The following MYO18B variants were observed in gnomAD, a reference collection of about 807,000 sequenced individuals.
MYO18B encodes the protein unconventional myosin-XVIIIb.
A neutral mutation model predicts 273.0 loss-of-function variants in MYO18B; 204 were observed. The ratio of observed to expected loss-of-function variants is 0.75; its 90% CI spans 0.67 to 0.84. MYO18B has a LOEUF of 0.84. MYO18B is among the 40% of genes least tolerant of loss of function. The pLI, the probability that MYO18B is intolerant of heterozygous loss-of-function variation, is 0.00. For missense variants in MYO18B, 3,212 were observed against 3,287.6 expected (o/e 0.98, Z 0.56); for synonymous variants, 1,330 against 1,305.7 (o/e 1.02, Z -0.40).
downstream of MYO18B, among the ~76,000 whole-genome samples, chr22:26,033,740 CT>C (rs1936713984): frequency 6.7e-6 from 1 of 150,326 alleles, no homozygotes; most frequent in Non-Finnish European, 1.5e-5. Flanking sequence ...CTTTTTCTCT[CT>C]TTCTCTCTCT....
At chr22:26,003,903 T>C (rs1383690346) in intron 41 of MYO18B, among the ~76,000 whole-genome samples, 1 of 152,010 alleles carries the variant, frequency 6.6e-6, no homozygotes, top group African/African-American at 2.4e-5. Flanking sequence ...TAATGCTTTA[T>C]AGAGGGACAG....
At chr22:25,819,339 C>T (rs1405870132) in intron 12 of MYO18B, among the ~76,000 whole-genome samples, 1 of 152,200 alleles carries the variant, frequency 6.6e-6, no homozygotes, top group African/African-American at 2.4e-5. Flanking sequence ...CTTCTCCCAG[C>T]TCGTTGAGGC....
intron 39 of MYO18B, among the ~76,000 whole-genome samples, chr22:25,991,967 T>C (rs2093275055): frequency 6.6e-6 from 1 of 152,202 alleles, no homozygotes; most frequent in African/African-American, 2.4e-5. Context: ...GATTTATCCT[T>C]GAGGCTCAGC....
intron 12 of MYO18B, among the ~76,000 whole-genome samples, chr22:25,813,499 C>T (rs1253802563): frequency 6.6e-6 from 1 of 152,116 alleles, no homozygotes; most frequent in Non-Finnish European, 1.5e-5. Flanking sequence ...AGGAGACAAC[C>T]AAAGTTGAGG....
At chr22:25,834,454 C>T (rs2089826577) in intron 16 of MYO18B, among the ~76,000 whole-genome samples, 1 of 152,212 alleles carries the variant, frequency 6.6e-6, no homozygotes, top group Non-Finnish European at 1.5e-5. Flanking sequence ...CCTGGATGTG[C>T]CCCTTCCCCT....
At chr22:25,954,127 G>A (rs1271595164) in intron 38 of MYO18B, among the ~76,000 whole-genome samples, 2 of 152,164 alleles carry the variant, frequency 1.3e-5, no homozygotes, top group African/African-American at 2.4e-5. Flanking sequence ...CATCAGGATC[G>A]ATTGGTTCCC....
chr22:26,027,116 G>A lies in MYO18B; in HGVS notation c.7142G>A (p.Arg2381His), dbSNP rs200567905. The A allele has an allele frequency of 3.2e-4, 521 of 1,613,948 alleles. No individual in the cohort carries two copies. The highest frequency in any genetic ancestry group is 4.1e-4 in the Non-Finnish European group (482 of 1,179,876). Residue 2381 changes from arginine to histidine, a missense_variant, in exon 43 of 44, where the codon CGT (arginine) becomes CAT (histidine). Physicochemically the swap from Arg to His is conservative, Grantham distance 29. Transcript: ENST00000335473. The surrounding 1 kb of genome is among the most constrained non-coding windows in gnomAD (Gnocchi z 4.1). ...PRDMLLSPTL[R>H]PRRRCLESSV... ...GACATGCTGTTGTCGCCCACACTGC[G>A]TCCTCGGAGGCGGTGTCTGGAGTCC...
chr22:25,943,918 C>T (rs1162159354), intron 34 of MYO18B, among the ~76,000 whole-genome samples: 4 of 151,976 alleles, frequency 2.6e-5, no homozygotes, highest in African/African-American at 9.7e-5. Context: ...GATGGGGTTT[C>T]ACCATGTTGG....
chr22:26,038,559 C>T, the MYO18B span, among the ~76,000 whole-genome samples: 3 of 152,154 alleles, frequency 2.0e-5, no homozygotes, highest in Non-Finnish European at 2.9e-5. Flanking sequence ...GTCTCTGGCT[C>T]CTCCTACCAC....
intron 43 of MYO18B, among the ~76,000 whole-genome samples, chr22:26,029,565 C>G (rs562973431): frequency 1.3e-5 from 2 of 152,324 alleles, no homozygotes; most frequent in African/African-American, 4.8e-5. Flanking sequence ...CAGAAGTCAT[C>G]ACAGAACATC....
chr22:26,019,719 T>A (rs2146982315), intron 42 of MYO18B, among the ~76,000 whole-genome samples: 1 of 152,260 alleles, frequency 6.6e-6, no homozygotes, highest in South Asian at 2.1e-4. Flanking sequence ...CCTCTTTAAT[T>A]TCAGGGAGTG....
At chr22:25,877,612 G>A (rs2091236004) in intron 24 of MYO18B, among the ~76,000 whole-genome samples, 1 of 152,080 alleles carries the variant, frequency 6.6e-6, no homozygotes, top group Admixed American at 6.6e-5. Flanking sequence ...GGGATCTCAG[G>A]CATGCACCAC....
At chr22:25,877,284 C>T (rs1491002291) in intron 24 of MYO18B, 1 of 152,116 alleles carries the variant, frequency 6.6e-6, no homozygotes, top group African/African-American at 2.4e-5. Context: ...GAATTACTCA[C>T]TCCATTCCCC....
At chr22:25,839,087 T>C (rs2089999748) in intron 17 of MYO18B, among the ~76,000 whole-genome samples, 3 of 151,576 alleles carry the variant, frequency 2.0e-5, no homozygotes, top group Non-Finnish European at 4.4e-5. Flanking sequence ...TATGTATTAG[T>C]GTGTATACGT....
At chr22:25,743,298 A>G (rs537889003) in intron 1 of MYO18B, among the ~76,000 whole-genome samples, 19 of 152,350 alleles carry the variant, frequency 1.2e-4, no homozygotes, top group African/African-American at 4.1e-4. Context: ...CTAGACTCCA[A>G]CAAGGATAAT....
At chr22:25,988,516 G>T (rs917958294) in intron 39 of MYO18B, among the ~76,000 whole-genome samples, 19 of 152,038 alleles carry the variant, frequency 1.2e-4, no homozygotes, top group Admixed American at 8.5e-4. Context: ...ATGGCTTTCT[G>T]GTTCTCACCT....
intron 12 of MYO18B, among the ~76,000 whole-genome samples, chr22:25,821,331 A>G (rs1316139287): frequency 6.7e-6 from 1 of 148,370 alleles, no homozygotes; most frequent in African/African-American, 2.5e-5. Context: ...CCTTGCCAGC[A>G]CTTTTGCTTT....
intron 14 of MYO18B, among the ~76,000 whole-genome samples, chr22:25,826,753 A>G (rs1364752792): frequency 6.6e-6 from 1 of 152,208 alleles, no homozygotes; most frequent in Non-Finnish European, 1.5e-5. Flanking sequence ...ATTAAAAGAA[A>G]TAATGAATTT....
At chr22:25,831,872 A>C (rs2089720143) in intron 15 of MYO18B, among the ~76,000 whole-genome samples, 1 of 152,176 alleles carries the variant, frequency 6.6e-6, no homozygotes, top group South Asian at 2.1e-4. Flanking sequence ...ATGTCATTGG[A>C]GTGTGGATTT....
Sources: allele counts gnomAD v4.1 joint callset (sites outside exome capture counted in the v4.1 genomes callset), GRCh38; gene constraint gnomAD v4.1.1; non-coding constraint Gnocchi (gnomAD v3.1); transcripts MANE v1.5; gene names NCBI Gene and HGNC (gene_info 2026-07-23, HGNC 2026-07-21).